The following KCNH7 variants were observed in gnomAD, a reference collection of about 807,000 sequenced individuals.
KCNH7 encodes potassium voltage-gated channel subfamily H member 7, also known as voltage-gated inwardly rectifying potassium channel KCNH7.
In KCNH7, 49 loss-of-function variants were observed where a neutral mutation model predicts 120.8. That is an observed-to-expected ratio of 0.41 (90% confidence interval 0.32 to 0.51). The LOEUF is 0.51. KCNH7 is among the 20% of genes least tolerant of loss of function. The probability of loss-of-function intolerance (pLI) is 0.38; values close to 1 mark genes in which losing one functional copy is unlikely to be tolerated. For missense variants in KCNH7, 1,097 were observed against 1,446.6 expected, an observed-to-expected ratio of 0.76 and a Z score of 3.92; for synonymous variants, 547 against 516.1, an observed-to-expected ratio of 1.06 and a Z score of -0.81.
At position 162,590,004 on chromosome 2, in the gene KCNH7, T is replaced by C. The variant is rs1485982; in HGVS notation, c.308-52924A>G. Among the ~76,000 whole-genome samples, 920 of 152,134 alleles carry C rather than the reference T, an allele frequency of 6.0e-3. 11 individuals carry two copies. The highest frequency in any genetic ancestry group is 0.021 in the African/African-American group (879 of 41,476). ...ACAAAAAAGAAAACCATGCATGGTA[T>C]ATGGAAAATTAGATTATTTTAATTC... On this transcript the variant is annotated intron_variant, in intron 2 of 15. Coordinates refer to ENST00000332142, the MANE Select transcript of KCNH7 (RefSeq NM_033272.4).
intron 5 of KCNH7, among the ~76,000 whole-genome samples, chr2:162,512,156 T>C (rs1390210089): frequency 6.6e-6 from 1 of 151,728 alleles, no homozygotes; most frequent in East Asian, 2.0e-4. Flanking sequence ...AAAACAACTG[T>C]CATGCATATA....
chr2:162,689,490 A>G (rs558010797), intron 2 of KCNH7, among the ~76,000 whole-genome samples: 1 of 152,242 alleles, frequency 6.6e-6, no homozygotes, highest in East Asian at 1.9e-4. Context: ...TCTCTCATTC[A>G]GTAGCACAGG....
intron 2 of KCNH7, among the ~76,000 whole-genome samples, chr2:162,803,677 CT>C (rs1220526812): frequency 6.6e-6 from 1 of 151,734 alleles, no homozygotes; most frequent in Non-Finnish European, 1.5e-5. Flanking sequence ...AGAATCACCC[CT>C]GGAATCTGAG....
At chr2:162,512,844 T>C (rs1691126331) in intron 4 of KCNH7, among the ~76,000 whole-genome samples, 170 bp from the exon 5 acceptor site, 2 of 151,830 alleles carry the variant, frequency 1.3e-5, no homozygotes, top group African/African-American at 2.4e-5. Context: ...GTAACATGCA[T>C]ATACTAAAAA....
At chr2:162,689,160 A>AT (rs1686011133) in intron 2 of KCNH7, among the ~76,000 whole-genome samples, 2 of 151,460 alleles carry the variant, frequency 1.3e-5, no homozygotes, top group Non-Finnish European at 2.9e-5. Flanking sequence ...TATTATTATT[A>AT]TTATTATTTG....
intron 2 of KCNH7, among the ~76,000 whole-genome samples, chr2:162,613,595 C>T (rs6715048): frequency 6.6e-6 from 1 of 151,612 alleles, no homozygotes; most frequent in Non-Finnish European, 1.5e-5. Context: ...ATGACTCTTT[C>T]AAAAATACAC....
intron 2 of KCNH7, among the ~76,000 whole-genome samples, chr2:162,725,443 T>C (rs1294297618): frequency 1.3e-5 from 2 of 152,160 alleles, no homozygotes; most frequent in African/African-American, 2.4e-5. Flanking sequence ...AATCATAGGG[T>C]AACTGCAAGC....
At chr2:162,715,944 C>T (rs2105365570) in intron 2 of KCNH7, among the ~76,000 whole-genome samples, 1 of 129,266 alleles carries the variant, frequency 7.7e-6, no homozygotes, top group South Asian at 2.4e-4. Context: ...GGGAGCATGT[C>T]TTTGTGTGTG....
At chr2:162,812,867 A>G (rs1684785422) in intron 2 of KCNH7, among the ~76,000 whole-genome samples, 1 of 152,156 alleles carries the variant, frequency 6.6e-6, no homozygotes, top group Non-Finnish European at 1.5e-5. Context: ...TATTTCAGGA[A>G]GGACTAGATG....
chr2:162,587,497 C>G (rs1694056376), intron 2 of KCNH7, among the ~76,000 whole-genome samples: 1 of 151,924 alleles, frequency 6.6e-6, no homozygotes. Context: ...ATTGTGAAGC[C>G]TCTGTCCTTA....
intron 2 of KCNH7, among the ~76,000 whole-genome samples, chr2:162,647,780 T>C (rs938992796): frequency 2.0e-5 from 3 of 152,198 alleles, no homozygotes; most frequent in African/African-American, 7.2e-5. Flanking sequence ...GTCTTGAGTA[T>C]GTCTTTATTA....
chr2:162,803,323 A>G (rs1684414907), intron 2 of KCNH7, among the ~76,000 whole-genome samples: 1 of 151,824 alleles, frequency 6.6e-6, no homozygotes, highest in Non-Finnish European at 1.5e-5. Flanking sequence ...ATTCTGGATT[A>G]GCTGCCAATG....
At chr2:162,467,132 G>T (rs1689335480) in intron 6 of KCNH7, among the ~76,000 whole-genome samples, 1 of 152,152 alleles carries the variant, frequency 6.6e-6, no homozygotes, top group Admixed American at 6.5e-5. Context: ...ACTGTCTGAG[G>T]CTTAGAAAGC....
chr2:162,679,906 G>A (rs576519632), intron 2 of KCNH7, among the ~76,000 whole-genome samples: 1 of 151,696 alleles, frequency 6.6e-6, no homozygotes, highest in South Asian at 2.1e-4. Context: ...TAATGTCTTT[G>A]GAATTTACAA....
chr2:162,731,739 A>T (rs1687738040), intron 2 of KCNH7, among the ~76,000 whole-genome samples: 1 of 152,164 alleles, frequency 6.6e-6, no homozygotes, highest in Non-Finnish European at 1.5e-5. Context: ...GATACATCTG[A>T]AAAGGTTATA....
At position 162,444,787 on chromosome 2, in the gene KCNH7, A is replaced by T. The variant is rs918160; in HGVS notation, c.1554+1231T>A. 5.9e-5 allele frequency among the ~76,000 whole-genome samples: 9 copies of T among 152,290 alleles called. No individual in the cohort carries two copies. In the East Asian group the frequency reaches 9.6e-4, roughly 16 times the overall value. On this transcript the variant is annotated intron_variant, in intron 7 of 15. Coordinates refer to ENST00000332142, the MANE Select transcript of KCNH7 (RefSeq NM_033272.4). ...CTCAAAGATATATATTAATAAAGAA[A>T]TATTTCACTCTCTTTTAGTTAAAAC... is the stretch of plus-strand genomic sequence containing the variant.
At position 162,733,010 on chromosome 2, in the gene KCNH7, G is replaced by A. The variant is rs181299901; in HGVS notation, c.307+103527C>T. On this transcript the variant is annotated intron_variant, in intron 2 of 15. Coordinates refer to ENST00000332142, the MANE Select transcript of KCNH7 (RefSeq NM_033272.4). The stretch of plus-strand genomic sequence containing the variant: ...ATTCAGAGCTTGTCTCGAAAATTTG[G>A]CATATTTAGCAACAGTGGGAGTCCA... Among the ~76,000 whole-genome samples the A allele has an allele frequency of 9.2e-5, 14 of 152,210 alleles. No individual in the cohort carries two copies. The East Asian group carries it at 2.5e-3, about 27-fold the overall frequency.
At chr2:162,372,402 CA>C (rs1173149203) in intron 15 of KCNH7, among the ~76,000 whole-genome samples, 1 of 151,808 alleles carries the variant, frequency 6.6e-6, no homozygotes. Context: ...AAATTTAAGA[CA>C]AATTGGGATG....
At chr2:162,740,203 T>C (rs1688073561) in intron 2 of KCNH7, among the ~76,000 whole-genome samples, 1 of 152,154 alleles carries the variant, frequency 6.6e-6, no homozygotes, top group Admixed American at 6.5e-5. Context: ...TATGTATGTG[T>C]TGGAATAAGG....
Sources: allele counts gnomAD v4.1 joint callset (sites outside exome capture counted in the v4.1 genomes callset), GRCh38; gene constraint gnomAD v4.1.1; transcripts MANE v1.5; gene names NCBI Gene and HGNC (gene_info 2026-07-23, HGNC 2026-07-21).